The following ADAM2 variants were observed in gnomAD, a reference collection of about 807,000 sequenced individuals.
The protein encoded by ADAM2 is ADAM metallopeptidase domain 2.
A neutral mutation model predicts 99.3 loss-of-function variants in ADAM2; 101 were observed. The observed-to-expected ratio is 1.02, with a 90% confidence interval of 0.87 to 1.20. The LOEUF (loss-of-function observed/expected upper bound fraction) is 1.20. Ranked by LOEUF, ADAM2 falls within the 50% of genes most tolerant of loss-of-function variation. The pLI is 0.00. For missense variants in ADAM2, 948 were observed against 878.7 expected (o/e 1.08, Z -1.00); for synonymous variants, 323 against 287.6 (o/e 1.12, Z -1.25).
intron 11 of ADAM2, among the ~76,000 whole-genome samples, chr8:39,770,095 G>A (rs928818133): frequency 2.6e-5 from 4 of 151,672 alleles, no homozygotes; most frequent in Non-Finnish European, 5.9e-5. Context: ...AGAGGGACAC[G>A]CCACCACGAC....
chr8:39,806,390 T>C (rs917277362), intron 7 of ADAM2, among the ~76,000 whole-genome samples: 8 of 151,766 alleles, frequency 5.3e-5, no homozygotes, highest in Admixed American at 5.2e-4. Context: ...AAGATAGGCT[T>C]TCAGGATTCA....
At position 39,778,678 on chromosome 8, in the gene ADAM2, C is replaced by T. The variant is rs181812909; in HGVS notation, c.892-1517G>A. Among the ~76,000 whole-genome samples, 6 of 147,854 alleles carry T rather than the reference C, an allele frequency of 4.1e-5. No individual in the cohort carries two copies. In the East Asian group the frequency reaches 7.9e-4, roughly 19 times the overall value. ...GTGTTAGGAAGAAGAAGGAGGAGGA[C>T]GAGGAGGAGGAGAAAGAAGAAAGGA... On this transcript the variant is annotated intron_variant, in intron 10 of 20. Coordinates refer to ENST00000265708, the MANE Select transcript of ADAM2 (RefSeq NM_001464.5).
chr8:39,821,114 A>G lies in ADAM2; in HGVS notation c.401T>C (p.Val134Ala), dbSNP rs776071340. The change falls in exon 6 of 21, where the codon GTT becomes GCT. Residue 134 changes from valine to alanine, a missense_variant. By Grantham distance (64) the Val-to-Ala change is moderately conservative (BLOSUM62 0). Coordinates refer to ENST00000265708, the MANE Select transcript of ADAM2 (RefSeq NM_001464.5). ...SYGIEPLESS[V>A]GFEHVIYQVK... is the part of the protein sequence containing the mutation. ...TTGGTAAATTACATGTTCAAAGCCA[A>G]CTGAAGACTCCAGGGGTTCTATTCC... 36 of 1,612,428 alleles carry G rather than the reference A, an allele frequency of 2.2e-5. No homozygotes were observed. The highest frequency in any genetic ancestry group is 2.7e-5 in the Non-Finnish European group (32 of 1,178,828).
At chr8:39,790,961 G>A (rs1419675653) in intron 7 of ADAM2, among the ~76,000 whole-genome samples, 2 of 151,764 alleles carry the variant, frequency 1.3e-5, no homozygotes, top group African/African-American at 2.4e-5. Context: ...TACCTAAAGA[G>A]CAGAGTGCTC....
At chr8:39,780,194 G>T (rs528426072) in intron 10 of ADAM2, among the ~76,000 whole-genome samples, 2 of 152,094 alleles carry the variant, frequency 1.3e-5, no homozygotes, top group South Asian at 4.2e-4. Flanking sequence ...AAAGCATCAG[G>T]TCTCATAAGA....
intron 4 of ADAM2, among the ~76,000 whole-genome samples, chr8:39,821,974 A>G (rs188112833): frequency 9.8e-4 from 149 of 152,310 alleles, no homozygotes; most frequent in African/African-American, 3.1e-3. Flanking sequence ...TGCATGGTAG[A>G]TAAGCAAAGT....
Position 39,823,455 on chromosome 8 carries a change from A to G in ADAM2, c.267+1364T>C, listed in dbSNP as rs567617332. Among the ~76,000 whole-genome samples the G allele has an allele frequency of 2.6e-5, 4 of 151,926 alleles. No homozygotes were observed. The South Asian group carries it at 8.3e-4, about 32-fold the overall frequency. On this transcript the variant is annotated intron_variant, in intron 4 of 20. Coordinates refer to ENST00000265708, the MANE Select transcript of ADAM2 (RefSeq NM_001464.5). ...TTTCAAGGCAGCATGTTTTTACTACATTTGAGATCAACTTGCAACTACTTA... is the reference window on the plus strand; with the variant it reads ...TTTCAAGGCAGCATGTTTTTACTACGTTTGAGATCAACTTGCAACTACTTA...
At chr8:39,837,078 T>C (rs1464833324) in intron 2 of ADAM2, 58 bp downstream of exon 2, 3 of 1,413,092 alleles carry the variant, frequency 2.1e-6, no homozygotes, top group Non-Finnish European at 2.9e-6. Context: ...GATTAACTTC[T>C]TAGAAACAAA....
rs1804596272 is a variant in ADAM2 at position 39,809,399 on chromosome 8, A to C, written c.570+11T>G. ...ATATTAAGGGACATAAATAAATCAGAATATACTTACCAATTGTTTTTCAAC... is the reference window on the plus strand; with the variant it reads ...ATATTAAGGGACATAAATAAATCAGCATATACTTACCAATTGTTTTTCAAC... On this transcript the variant is annotated intron_variant, in intron 7 of 20. Coordinates refer to ENST00000265708, the MANE Select transcript of ADAM2 (RefSeq NM_001464.5). The C allele has an allele frequency of 1.9e-6, 2 of 1,027,466 alleles. No homozygotes were observed. Among genetic ancestry groups the C allele is most frequent in the African/African-American group, 1.6e-5 (1 of 62,734 alleles). The allele number at this position is 1,027,466 out of a possible 1,614,324, so 63.6% of individuals were successfully genotyped here. A position where few individuals can be genotyped will look rare whatever the true frequency, so the allele number is the denominator to read the frequency against.
chr8:39,777,634 C>G (rs922646200), intron 10 of ADAM2, among the ~76,000 whole-genome samples: 1 of 151,876 alleles, frequency 6.6e-6, no homozygotes, highest in African/African-American at 2.4e-5. Flanking sequence ...AATAGTGTTA[C>G]TTCAGTTAAC....
chr8:39,788,037 C>A, intron 9 of ADAM2, 48 bp downstream of exon 9: 1 of 1,249,774 alleles, frequency 8.0e-7, no homozygotes, highest in Non-Finnish European at 1.0e-6. Context: ...GGTCAAATTG[C>A]ATAAATTTTC....
intron 7 of ADAM2, among the ~76,000 whole-genome samples, chr8:39,803,531 C>T (rs1419062601): frequency 2.6e-5 from 4 of 152,132 alleles, no homozygotes; most frequent in Non-Finnish European, 5.9e-5. Context: ...ATGCTTCTTC[C>T]TTGTTTTTGA....
chr8:39,776,918 G>A, intron 11 of ADAM2, 107 bp downstream of exon 11: 2 of 713,454 alleles, frequency 2.8e-6, no homozygotes, highest in East Asian at 2.8e-5. Flanking sequence ...GGAGTCCTCA[G>A]TCACAGCTGA....
chr8:39,756,209 CT>C (rs1563337145), intron 15 of ADAM2, among the ~76,000 whole-genome samples: 1 of 152,132 alleles, frequency 6.6e-6, no homozygotes, highest in Admixed American at 6.5e-5. Context: ...AGCCTGACAA[CT>C]TTTTTTGTGA....
At chr8:39,785,816 AAGAC>A (rs1387939223) in intron 10 of ADAM2, among the ~76,000 whole-genome samples, 4 of 151,876 alleles carry the variant, frequency 2.6e-5, no homozygotes, top group African/African-American at 7.3e-5. Flanking sequence ...AAAAAAAAGA[AAGAC>A]AGAAAGAAAA....
intron 4 of ADAM2, among the ~76,000 whole-genome samples, chr8:39,824,480 T>A (rs1586158338): frequency 6.6e-6 from 1 of 152,110 alleles, no homozygotes; most frequent in East Asian, 1.9e-4. Context: ...TCAAAGAAGA[T>A]TAGATTCTTA....
chr8:39,814,280 A>G (rs1804838749), intron 6 of ADAM2, among the ~76,000 whole-genome samples: 1 of 152,028 alleles, frequency 6.6e-6, no homozygotes, highest in South Asian at 2.1e-4. Flanking sequence ...AATCGCTTGA[A>G]ACTGGGAGGC....
rs188170991 is a variant in ADAM2, at chr8:39,827,180, G to A, written c.189-2283C>T. On this transcript the variant is annotated intron_variant, in intron 3 of 20. Transcript: ENST00000265708. ...GAAAAAAGTATATCAAAACCACCAT[G>A]GGATAACACCTTACTCCTGTTTGAT... Among the ~76,000 whole-genome samples, 120 of 152,208 alleles carry A rather than the reference G, an allele frequency of 7.9e-4. 1 individual carries two copies. The highest frequency in any genetic ancestry group is 1.6e-3 in the Non-Finnish European group (108 of 68,012).
At chr8:39,761,669 AT>A (rs2129583825) in intron 14 of ADAM2, among the ~76,000 whole-genome samples, 1 of 152,368 alleles carries the variant, frequency 6.6e-6, no homozygotes, top group East Asian at 1.9e-4. Flanking sequence ...CTAACCAATT[AT>A]CTTGTTTTAC....
Sources: gnomAD v4.1 joint callset for allele counts (sites outside exome capture counted in the v4.1 genomes callset) on GRCh38, gnomAD v4.1.1 for gene constraint, MANE v1.5 for transcripts, NCBI Gene and HGNC (gene_info 2026-07-23, HGNC 2026-07-21) for gene names.